RPTOR: variants seen among roughly 807,000 people sequenced by gnomAD.
The protein encoded by RPTOR is regulatory-associated protein of mTOR.
Under a neutral mutation model 169.9 loss-of-function variants are expected in RPTOR, and 21 were observed. The ratio of observed to expected loss-of-function variants is 0.12; its 90% CI spans 0.09 to 0.18. The LOEUF is 0.18. Among genes scored for constraint, RPTOR ranks in the 10% least tolerant of loss-of-function variants. RPTOR has a pLI of 1.00. For synonymous variants in RPTOR, 732 were observed against 753.2 expected (o/e 0.97, Z 0.46); for missense variants, 1,133 against 1,855.9 (o/e 0.61, Z 7.16).
At chr17:80,759,241 C>T (rs1009580668) in intron 6 of RPTOR, among the ~76,000 whole-genome samples, 13 of 152,084 alleles carry the variant, frequency 8.5e-5, no homozygotes, top group South Asian at 2.1e-4. Flanking sequence ...CTGCTGGCCT[C>T]GTTATTTCTA....
rs1188518266 is a variant in RPTOR at position 80,773,954 on chromosome 17, G to A, written c.831-17496G>A. 3 of 985,330 alleles carry A rather than the reference G, an allele frequency of 3.0e-6. No homozygotes were observed. The African/African-American group carries it at 5.2e-5, about 17-fold the overall frequency. 61.0% of individuals were successfully genotyped at this position (985,330 alleles called of 1,614,324 possible). A position where few individuals can be genotyped will look rare whatever the true frequency, so the allele number is the denominator to read the frequency against. On this transcript the variant is annotated intron_variant, in intron 6 of 33. Transcript: ENST00000306801. Reference sequence around the variant, plus strand: ...CTATGCGGCCTGCCCTGGGGGCTATGGTGCTGAATCCTGACAAAGGCCCTC... The same window carrying A: ...CTATGCGGCCTGCCCTGGGGGCTATAGTGCTGAATCCTGACAAAGGCCCTC...
At position 80,708,027 on chromosome 17, in the gene RPTOR, G is replaced by A. The variant is rs545271316; in HGVS notation, c.507+28G>A. On this transcript the variant is annotated intron_variant, in intron 4 of 33. Coordinates refer to ENST00000306801, the MANE Select transcript of RPTOR (RefSeq NM_020761.3). This position sits in a 1 kb window ranked among gnomAD's most constrained non-coding sequence, Gnocchi z 4.2. The stretch of plus-strand genomic sequence containing the variant: ...GGGTGTGCCTTCCAGCTTCCTTCCC[G>A]TTTCTGCCAAAAGCCATGCCAATTG... 1.1e-5 allele frequency: 18 copies of A among 1,602,046 alleles called. No homozygotes were observed. In the Admixed American group the frequency reaches 1.5e-4, roughly 14 times the overall value.
At chr17:80,601,161 CACT>C (rs923210887) in intron 1 of RPTOR, among the ~76,000 whole-genome samples, 23 of 152,308 alleles carry the variant, frequency 1.5e-4, no homozygotes, top group Admixed American at 1.4e-3. Flanking sequence ...CAGCGACCAC[CACT>C]GTCAGCCGCC....
intron 3 of RPTOR, among the ~76,000 whole-genome samples, chr17:80,698,386 C>T (rs558291791): frequency 1.5e-4 from 22 of 151,226 alleles, no homozygotes; most frequent in Admixed American, 4.0e-4. Context: ...AGTGACGGGA[C>T]GGAGCAAAGA....
intron 20 of RPTOR, among the ~76,000 whole-genome samples, chr17:80,904,926 T>C (rs9905972): frequency 0.047 from 7,204 of 152,258 alleles, 590 homozygotes; most frequent in African/African-American, 0.16. Context: ...GATTTTTTTT[T>C]CCCCTGTTGA....
chr17:80,758,566 G>C (rs1260926290), intron 6 of RPTOR, among the ~76,000 whole-genome samples: 1 of 152,184 alleles, frequency 6.6e-6, no homozygotes, highest in African/African-American at 2.4e-5. Flanking sequence ...GTGCGGTCTT[G>C]AGCTGGTAAA....
At chr17:80,935,986 A>G (rs1163414661) in intron 24 of RPTOR, among the ~76,000 whole-genome samples, 3 of 152,248 alleles carry the variant, frequency 2.0e-5, no homozygotes, top group Non-Finnish European at 4.4e-5. Context: ...GCTGTTATAC[A>G]TAACCCTCAA....
In RPTOR at chr17:80,659,329, T is replaced by C. The variant is rs182523620; in HGVS notation, c.348+15519T>C. 7.9e-5 allele frequency among the ~76,000 whole-genome samples: 12 copies of C among 152,274 alleles called. 1 individual carries two copies. The East Asian group carries it at 2.3e-3, about 29-fold the overall frequency. On this transcript the variant is annotated intron_variant, in intron 3 of 33. Coordinates refer to ENST00000306801, the MANE Select transcript of RPTOR (RefSeq NM_020761.3). This position sits in a 1 kb window ranked among gnomAD's most constrained non-coding sequence, Gnocchi z 4.3. ...GGTTAGGAATACCTTAGCCAGTTTC[T>C]GTGGCTGCTTTTTTTCTTTTGAAAC...
At chr17:80,810,350 A>G (rs1365507920) in intron 7 of RPTOR, among the ~76,000 whole-genome samples, 2 of 152,192 alleles carry the variant, frequency 1.3e-5, no homozygotes, top group African/African-American at 2.4e-5. Flanking sequence ...GTCAAGGATC[A>G]TTATTTTCCA....
chr17:80,785,020 C>G (rs1039618722), intron 6 of RPTOR, among the ~76,000 whole-genome samples: 2 of 152,192 alleles, frequency 1.3e-5, no homozygotes, highest in African/African-American at 4.8e-5. Context: ...TATTGCCACT[C>G]TGAGCTATAT....
intron 3 of RPTOR, among the ~76,000 whole-genome samples, chr17:80,665,444 TTTCC>T (rs2065764323): frequency 2.9e-4 from 6 of 20,756 alleles, no homozygotes; most frequent in African/African-American, 2.8e-3. Context: ...TTTCCTTTCC[TTTCC>T]TTTCCTTTCC....
At chr17:80,745,618 TAC>T (rs1451729244) in intron 5 of RPTOR, among the ~76,000 whole-genome samples, 2 of 152,242 alleles carry the variant, frequency 1.3e-5, no homozygotes, top group Non-Finnish European at 2.9e-5. Flanking sequence ...GGATAAGTAA[TAC>T]ACTGACTCCT....
chr17:80,800,230 C>T (rs764341876), intron 7 of RPTOR, among the ~76,000 whole-genome samples: 3 of 152,166 alleles, frequency 2.0e-5, no homozygotes, highest in Non-Finnish European at 2.9e-5. Flanking sequence ...AAATCCAACC[C>T]GAGTCATATC....
chr17:80,588,503 C>T (rs916596519), intron 1 of RPTOR, among the ~76,000 whole-genome samples: 5 of 152,186 alleles, frequency 3.3e-5, no homozygotes, highest in African/African-American at 4.8e-5. Flanking sequence ...CATTCCATAT[C>T]TCGGCTATTG....
intron 1 of RPTOR, among the ~76,000 whole-genome samples, chr17:80,621,229 T>C (rs1048002075): frequency 5.3e-5 from 8 of 152,212 alleles, no homozygotes; most frequent in African/African-American, 1.9e-4. Flanking sequence ...AGCCATCCCA[T>C]GGGACTAAAG....
rs1435921379 is a variant in RPTOR at position 80,694,939 on chromosome 17, G to A, written c.349-12902G>A. On this transcript the variant is annotated intron_variant, in intron 3 of 33. Transcript: ENST00000306801. ...ACGGGCAGACACAGTGCCACGGGCA[G>A]CTATATCCAAGGAGGGTGAGGGTGC... Among the ~76,000 whole-genome samples, 4 of 152,202 alleles carry A rather than the reference G, an allele frequency of 2.6e-5. No homozygotes were observed. In the East Asian group the frequency reaches 7.7e-4, roughly 29 times the overall value.
chr17:80,947,309 T>C lies in RPTOR; in HGVS notation c.3223T>C (p.Tyr1075His), dbSNP rs748888786. 6.2e-7 allele frequency: 1 copy of C among 1,602,962 alleles called. No individual in the cohort carries two copies. The highest frequency in any genetic ancestry group is 8.5e-7 in the Non-Finnish European group (1 of 1,175,464). Residue 1075 changes from tyrosine (Y) to histidine (H), a missense_variant, in exon 27 of 34, where the codon TAT becomes CAT. By Grantham distance (83) the Tyr-to-His change is moderately conservative. Coordinates refer to ENST00000306801, the MANE Select transcript of RPTOR (RefSeq NM_020761.3). The surrounding 1 kb of genome is among the most constrained non-coding windows in gnomAD (Gnocchi z 4.4). Reference sequence around the variant, plus strand: ...GTACACGAGGGTCACTGCCATGGAGTATCTGAACGGCCAGGACTGCTCGCT... The same window carrying C: ...GTACACGAGGGTCACTGCCATGGAGCATCTGAACGGCCAGGACTGCTCGCT... Reference protein sequence around the residue: ...PRYTRVTAMEYLNGQDCSLLL... With the variant: ...PRYTRVTAMEHLNGQDCSLLL...
At chr17:80,744,225 A>G (rs1199950573) in intron 5 of RPTOR, among the ~76,000 whole-genome samples, 3 of 102,138 alleles carry the variant, frequency 2.9e-5, no homozygotes, top group South Asian at 5.7e-4. Context: ...TGTCCTGGCT[A>G]CTAGCACAGC....
intron 4 of RPTOR, among the ~76,000 whole-genome samples, chr17:80,714,810 GTCTCCTGGAT>G (rs2066226297): frequency 1.3e-5 from 2 of 152,140 alleles, no homozygotes; most frequent in Non-Finnish European, 2.9e-5. Context: ...TGCAACCTTT[GTCTCCTGGAT>G]TCAAGCAATT....
Sources: gnomAD v4.1 joint callset for allele counts (sites outside exome capture counted in the v4.1 genomes callset) on GRCh38, gnomAD v4.1.1 for gene constraint, Gnocchi (gnomAD v3.1) non-coding constraint, MANE v1.5 for transcripts, NCBI Gene and HGNC (gene_info 2026-07-23, HGNC 2026-07-21) for gene names.